The following ZBBX variants were observed in gnomAD, a reference collection of about 807,000 sequenced individuals.
The protein encoded by ZBBX is zinc finger B-box domain containing.
A neutral mutation model predicts 108.5 loss-of-function variants in ZBBX; 101 were observed. That is an observed-to-expected ratio of 0.93 (90% CI 0.79 to 1.10). The LOEUF (loss-of-function observed/expected upper bound fraction) is 1.10. ZBBX is among the 50% of genes least tolerant of loss of function. ZBBX has a pLI of 0.00. For synonymous variants in ZBBX, 356 were observed against 323.4 expected (o/e 1.10, Z -1.08); for missense variants, 1,009 against 941.4 (o/e 1.07, Z -0.94).
At chr3:167,344,037 T>C (rs1741014620) in intron 9 of ZBBX, among the ~76,000 whole-genome samples, 1 of 151,792 alleles carries the variant, frequency 6.6e-6, no homozygotes, top group Non-Finnish European at 1.5e-5. Flanking sequence ...TATTCAACCT[T>C]AAAAATAAAT....
the ZBBX span, among the ~76,000 whole-genome samples, chr3:167,229,088 T>C: frequency 6.6e-6 from 1 of 151,840 alleles, no homozygotes; most frequent in East Asian, 1.9e-4. Flanking sequence ...ATGAATTCAG[T>C]ATCTTTCGTC....
the ZBBX span, among the ~76,000 whole-genome samples, chr3:167,217,098 CA>C: frequency 6.6e-6 from 1 of 152,044 alleles, no homozygotes; most frequent in Non-Finnish European, 1.5e-5. Context: ...AAAGCAATTG[CA>C]ACAAAAGCAA....
At chr3:167,371,093 C>T (rs944554742) in intron 4 of ZBBX, among the ~76,000 whole-genome samples, 5 of 152,164 alleles carry the variant, frequency 3.3e-5, no homozygotes, top group East Asian at 3.9e-4. Context: ...GAGAACTCTA[C>T]GGTAATTACT....
chr3:167,183,290 A>C, the ZBBX span, among the ~76,000 whole-genome samples: 1 of 152,136 alleles, frequency 6.6e-6, no homozygotes, highest in Non-Finnish European at 1.5e-5. Context: ...TGATGTTTCC[A>C]AGCTCCCCTT....
chr3:167,182,682 AC>A, the ZBBX span, among the ~76,000 whole-genome samples: 3 of 152,218 alleles, frequency 2.0e-5, no homozygotes, highest in Non-Finnish European at 4.4e-5. Flanking sequence ...TCATCTGCCC[AC>A]CAAGTTTTAA....
At chr3:167,360,102 A>G (rs1387900943) in intron 7 of ZBBX, 123 bp from the exon 8 acceptor site, 1 of 303,128 alleles carries the variant, frequency 3.3e-6, no homozygotes, top group African/African-American at 2.2e-5. Flanking sequence ...ACATAGAACA[A>G]ATTCTAAACA....
chr3:167,330,378 T>C (rs542358201), intron 10 of ZBBX, among the ~76,000 whole-genome samples: 10 of 152,228 alleles, frequency 6.6e-5, no homozygotes, highest in African/African-American at 2.4e-4. Flanking sequence ...GCAATAAGGA[T>C]AGAATAAATG....
At chr3:167,305,562 G>C in intron 17 of ZBBX, 81 bp downstream of exon 17, 1 of 1,094,314 alleles carries the variant, frequency 9.1e-7, no homozygotes, top group Non-Finnish European at 1.2e-6. Context: ...GAAGTAACTT[G>C]AGAATGTATT....
At chr3:167,244,488 G>A (rs1241664486) in intron 20 of ZBBX, among the ~76,000 whole-genome samples, 1 of 152,152 alleles carries the variant, frequency 6.6e-6, no homozygotes, top group African/African-American at 2.4e-5. Context: ...TCCGAGTTGT[G>A]CAAATAGAAT....
chr3:167,251,920 C>T (rs1485644927), intron 20 of ZBBX, among the ~76,000 whole-genome samples: 33 of 80,184 alleles, frequency 4.1e-4, no homozygotes. Context: ...TGATGTTGTG[C>T]CTGCAACACA....
At chr3:167,243,475 C>T (rs150540760) in intron 20 of ZBBX, among the ~76,000 whole-genome samples, 2,978 of 151,770 alleles carry the variant, frequency 0.02, 109 homozygotes, top group African/African-American at 0.069. Flanking sequence ...CTTGGCTCAC[C>T]GCAACCTCCG....
intron 18 of ZBBX, among the ~76,000 whole-genome samples, chr3:167,297,340 C>T (rs141008859): frequency 5.3e-4 from 81 of 151,920 alleles, no homozygotes; most frequent in Admixed American, 2.8e-3. Flanking sequence ...GATATCCATA[C>T]GCAAAATAAT....
chr3:167,222,486 C>T, the ZBBX span, among the ~76,000 whole-genome samples: 8 of 150,616 alleles, frequency 5.3e-5, no homozygotes, highest in Admixed American at 1.3e-4. Context: ...AGGTACATTA[C>T]GATGAATAAG....
At chr3:167,196,814 G>C in the ZBBX span, among the ~76,000 whole-genome samples, 278 of 151,458 alleles carry the variant, frequency 1.8e-3, 6 homozygotes, top group Admixed American at 0.018. Flanking sequence ...AAGAAGTTGT[G>C]TTTGGGTACC....
At chr3:167,226,990 AT>A in the ZBBX span, among the ~76,000 whole-genome samples, 2 of 151,778 alleles carry the variant, frequency 1.3e-5, no homozygotes, top group African/African-American at 4.8e-5. Context: ...GATATATGAT[AT>A]GAGTTGTATC....
Position 167,334,574 on chromosome 3 carries a change from G to C in ZBBX, c.529-589C>G, listed in dbSNP as rs191255938. Among the ~76,000 whole-genome samples the C allele has an allele frequency of 4.1e-3, 627 of 151,642 alleles. 3 individuals carry two copies. Among genetic ancestry groups the C allele is most frequent in the Non-Finnish European group, 6.2e-3 (419 of 67,864 alleles). ...TGGCGACAGAGCAACACTCCATCTC[G>C]AAAAAAGAAAAAAGAAAGAAAAGAA... is the stretch of plus-strand genomic sequence containing the variant. On this transcript the variant is annotated intron_variant, in intron 9 of 21. Transcript: ENST00000675490.
At chr3:167,299,164 C>G (rs1284157598) in intron 17 of ZBBX, among the ~76,000 whole-genome samples, 1 of 151,942 alleles carries the variant, frequency 6.6e-6, no homozygotes, top group Non-Finnish European at 1.5e-5. Context: ...AGTAAGAGCT[C>G]TAGATGAGGT....
At chr3:167,316,815 T>C (rs1300446897) in intron 14 of ZBBX, among the ~76,000 whole-genome samples, 190 bp downstream of exon 14, 1 of 152,036 alleles carries the variant, frequency 6.6e-6, no homozygotes, top group Admixed American at 6.6e-5. Flanking sequence ...GCTCACAAAT[T>C]TACTGTTTAC....
intron 11 of ZBBX, among the ~76,000 whole-genome samples, chr3:167,327,229 C>A (rs1737558289): frequency 1.4e-5 from 2 of 143,930 alleles, no homozygotes; most frequent in East Asian, 4.2e-4. Flanking sequence ...CATAGTGGTC[C>A]TTAAAATTGT....
Sources: allele counts gnomAD v4.1 joint callset (sites outside exome capture counted in the v4.1 genomes callset), GRCh38; gene constraint gnomAD v4.1.1; transcripts MANE v1.5; gene names NCBI Gene and HGNC (gene_info 2026-07-23, HGNC 2026-07-21).